Variants in BCKDHB observed in about 807,000 individuals in gnomAD.
BCKDHB encodes branched chain keto acid dehydrogenase E1 subunit beta.
A neutral mutation model predicts 48.5 loss-of-function variants in BCKDHB; 41 were observed. That is an observed-to-expected ratio of 0.85 (90% CI 0.66 to 1.10). The LOEUF (loss-of-function observed/expected upper bound fraction) is 1.10, where lower values mean the gene tolerates loss of function less well. Ranked by LOEUF, BCKDHB falls within the 50% of genes least tolerant of loss-of-function variation. The pLI is 0.00. For missense variants in BCKDHB, 496 were observed against 494.2 expected (o/e 1.00, Z -0.03); for synonymous variants, 201 against 174.8 (o/e 1.15, Z -1.18).
At chr6:80,251,659 T>A (rs1776843085) in intron 8 of BCKDHB, 1 of 152,218 alleles carries the variant, frequency 6.6e-6, no homozygotes, top group Non-Finnish European at 1.5e-5. Context: ...ATTCATACTC[T>A]GTTCTCATAA....
Position 80,129,184 on chromosome 6 carries a change from T to A in BCKDHB, c.298T>A (p.Phe100Ile). Residue 100 changes from phenylalanine to isoleucine, a missense_variant, in exon 3 of 10, where the codon TTT (phenylalanine) becomes ATT (isoleucine). Transcript: ENST00000320393. ...TAVIFGEDVA[F>I]GGVFRCTVGL... is the part of the protein sequence containing the mutation. ...AGTAATATTTGGTGAAGATGTTGCC[T>A]TTGGTGGAGTCTTTAGATGCACTGT... The A allele has an allele frequency of 6.2e-7, 1 of 1,610,602 alleles. No individual in the cohort carries two copies. Among genetic ancestry groups the A allele is most frequent in the South Asian group, 1.1e-5 (1 of 90,450 alleles).
Position 80,140,323 on chromosome 6 carries a change from A to G in BCKDHB, c.343+11094A>G, listed in dbSNP as rs569533469. Among the ~76,000 whole-genome samples the G allele has an allele frequency of 8.5e-5, 13 of 152,350 alleles. No individual in the cohort carries two copies. The East Asian group carries it at 2.3e-3, about 27-fold the overall frequency. On this transcript the variant is annotated intron_variant, in intron 3 of 9. Transcript: ENST00000320393. Reference sequence around the variant, plus strand: ...CTTCTCCTGCCTAATTGCCCTGGCCAGAACTTCCAACACTATGTTGAACAG... The same window carrying G: ...CTTCTCCTGCCTAATTGCCCTGGCCGGAACTTCCAACACTATGTTGAACAG...
the BCKDHB span, among the ~76,000 whole-genome samples, chr6:80,378,248 T>A: frequency 1.3e-5 from 2 of 152,114 alleles, no homozygotes; most frequent in Non-Finnish European, 1.5e-5. Context: ...TCCCTTCTTT[T>A]GTAGTCCCCA....
the BCKDHB span, chr6:80,374,431 A>G: frequency 5.2e-6 from 4 of 769,598 alleles, no homozygotes; most frequent in East Asian, 9.8e-5. Context: ...TCTTTCAGAT[A>G]TTTTGTGGCT....
intron 1 of BCKDHB, among the ~76,000 whole-genome samples, chr6:80,107,205 G>T (rs1248957970): frequency 6.6e-6 from 1 of 151,212 alleles, no homozygotes; most frequent in Non-Finnish European, 1.5e-5. Context: ...TCTGTCCTCC[G>T]TCCTTGCTTT....
At chr6:80,242,554 T>C (rs1453729559) in intron 8 of BCKDHB, among the ~76,000 whole-genome samples, 4 of 151,896 alleles carry the variant, frequency 2.6e-5, no homozygotes, top group Non-Finnish European at 4.4e-5. Flanking sequence ...CACACACACA[T>C]ACACATACAC....
the BCKDHB span, among the ~76,000 whole-genome samples, chr6:80,393,617 T>C: frequency 2.6e-5 from 4 of 152,326 alleles, no homozygotes; most frequent in East Asian, 7.7e-4. Flanking sequence ...GTCTAACTTA[T>C]TTTGTTATAG....
In BCKDHB at chr6:80,153,646, A is replaced by C. The variant is rs570057857; in HGVS notation, c.344-14032A>C. 2.6e-4 allele frequency among the ~76,000 whole-genome samples: 40 copies of C among 152,062 alleles called. 1 individual carries two copies. The highest frequency in any genetic ancestry group is 1.6e-3 in the Admixed American group (24 of 15,252). ...GTTTCTCAAATTCTTTCTTCTTCTT[A>C]TTTTCCTCAACACTATCCTGATAAT... On this transcript the variant is annotated intron_variant, in intron 3 of 9. Coordinates refer to ENST00000320393, the MANE Select transcript of BCKDHB (RefSeq NM_183050.4).
intron 8 of BCKDHB, among the ~76,000 whole-genome samples, chr6:80,244,553 G>T (rs113193037): frequency 2.2e-4 from 34 of 152,132 alleles, no homozygotes; most frequent in African/African-American, 8.0e-4. Flanking sequence ...AACTGTTGTT[G>T]CCCTGAGGGA....
the BCKDHB span, among the ~76,000 whole-genome samples, chr6:80,363,158 C>G: frequency 2.0e-5 from 3 of 152,150 alleles, no homozygotes; most frequent in African/African-American, 7.2e-5. Context: ...TTTAATGACA[C>G]TTGGAAGATT....
chr6:80,115,402 G>A (rs141218387), intron 1 of BCKDHB, among the ~76,000 whole-genome samples: 28 of 152,274 alleles, frequency 1.8e-4, no homozygotes, highest in African/African-American at 6.0e-4. Flanking sequence ...CTAACTCTTA[G>A]TAGAGTTTAG....
chr6:80,119,494 A>G (rs1427613273), intron 1 of BCKDHB, among the ~76,000 whole-genome samples: 3 of 151,900 alleles, frequency 2.0e-5, no homozygotes, highest in Non-Finnish European at 4.4e-5. Context: ...AATTTTTTGT[A>G]TTTTTGGTAG....
rs979075630 is a variant in BCKDHB at position 80,170,258 on chromosome 6, C to G, written c.634-1024C>G. ...GCTCTTTTATTTTTAAAATAAAACCCTTCAATAAAAATGGCATAAAAATGG... is the reference window on the plus strand; with the variant it reads ...GCTCTTTTATTTTTAAAATAAAACCGTTCAATAAAAATGGCATAAAAATGG... On this transcript the variant is annotated intron_variant, in intron 5 of 9. Coordinates refer to ENST00000320393, the MANE Select transcript of BCKDHB (RefSeq NM_183050.4). Among the ~76,000 whole-genome samples the G allele has an allele frequency of 2.6e-5, 4 of 152,084 alleles. No individual in the cohort carries two copies. In the South Asian group the frequency reaches 6.2e-4, roughly 24 times the overall value.
chr6:80,128,468 C>T (rs1188000819), intron 2 of BCKDHB, among the ~76,000 whole-genome samples: 2 of 151,976 alleles, frequency 1.3e-5, no homozygotes, highest in African/African-American at 4.8e-5. Flanking sequence ...TCTATGAATA[C>T]CCCTTATTTT....
chr6:80,119,347 C>G (rs557520945), intron 1 of BCKDHB, among the ~76,000 whole-genome samples: 23 of 152,256 alleles, frequency 1.5e-4, no homozygotes, highest in African/African-American at 5.3e-4. Flanking sequence ...GAGACAGAGT[C>G]TCACTCTGTC....
intron 3 of BCKDHB, among the ~76,000 whole-genome samples, chr6:80,147,411 A>C (rs562230441): frequency 1.3e-5 from 2 of 152,318 alleles, no homozygotes; most frequent in East Asian, 3.9e-4. Context: ...TTTTTATAAA[A>C]TTATATGTTT....
chr6:80,233,603 A>T (rs1285814390), intron 8 of BCKDHB, among the ~76,000 whole-genome samples: 1 of 151,964 alleles, frequency 6.6e-6, no homozygotes, highest in African/African-American at 2.4e-5. Flanking sequence ...GGCTCTGGGG[A>T]TTATTTAGAA....
intron 3 of BCKDHB, among the ~76,000 whole-genome samples, chr6:80,163,903 C>T (rs1394462017): frequency 6.6e-6 from 1 of 152,198 alleles, no homozygotes; most frequent in African/African-American, 2.4e-5. Flanking sequence ...ATCCTTTTAG[C>T]TCTATCTTTA....
At chr6:80,161,567 C>A (rs970340941) in intron 3 of BCKDHB, among the ~76,000 whole-genome samples, 1 of 152,192 alleles carries the variant, frequency 6.6e-6, no homozygotes, top group Non-Finnish European at 1.5e-5. Flanking sequence ...TGACACTCCC[C>A]CTCCTTGTCC....
Sources: gnomAD v4.1 joint callset for allele counts (sites outside exome capture counted in the v4.1 genomes callset) on GRCh38, gnomAD v4.1.1 for gene constraint, MANE v1.5 for transcripts, NCBI Gene and HGNC (gene_info 2026-07-23, HGNC 2026-07-21) for gene names.